BCKDHB: variants seen among roughly 807,000 people sequenced by gnomAD.
BCKDHB encodes 2-oxoisovalerate dehydrogenase subunit beta, mitochondrial.
BCKDHB carries 41 observed loss-of-function variants against 48.5 expected under a neutral mutation model. The observed-to-expected ratio is 0.85, with a 90% CI of 0.66 to 1.10. The LOEUF (loss-of-function observed/expected upper bound fraction) is 1.10, where lower values mean the gene tolerates loss of function less well. Among genes scored for constraint, BCKDHB ranks in the 50% least tolerant of loss-of-function variants. The pLI is 0.00. For synonymous variants in BCKDHB, 201 were observed against 174.8 expected, an observed-to-expected ratio of 1.15 and a Z score of -1.18; for missense variants, 496 against 494.2, an observed-to-expected ratio of 1.00 and a Z score of -0.03.
chr6:80,158,897 C>T (rs1190949129), intron 3 of BCKDHB, among the ~76,000 whole-genome samples: 1 of 152,208 alleles, frequency 6.6e-6, no homozygotes, highest in Non-Finnish European at 1.5e-5. Context: ...TCACCCTAGG[C>T]AGTAAACTGT....
intron 9 of BCKDHB, among the ~76,000 whole-genome samples, chr6:80,276,320 C>T (rs116900058): frequency 0.016 from 2,366 of 151,826 alleles, 26 homozygotes; most frequent in Non-Finnish European, 0.023. Context: ...AATCTGAAAA[C>T]ACCTGAAAAT....
At chr6:80,411,598 G>T in the BCKDHB span, among the ~76,000 whole-genome samples, 1 of 152,248 alleles carries the variant, frequency 6.6e-6, no homozygotes, top group Non-Finnish European at 1.5e-5. Context: ...AGTAGGCCTT[G>T]CTGAGATGTG....
intron 9 of BCKDHB, among the ~76,000 whole-genome samples, chr6:80,288,059 G>A (rs952289074): frequency 6.6e-6 from 1 of 152,072 alleles, no homozygotes; most frequent in East Asian, 1.9e-4. Flanking sequence ...TCAGTAGTTC[G>A]ATAATATCAA....
intron 8 of BCKDHB, among the ~76,000 whole-genome samples, chr6:80,221,824 A>T (rs1023529240): frequency 1.3e-5 from 2 of 152,248 alleles, no homozygotes; most frequent in Non-Finnish European, 2.9e-5. Context: ...GTTTTTGAGT[A>T]AAAGAATTTG....
intron 3 of BCKDHB, among the ~76,000 whole-genome samples, chr6:80,147,961 A>G (rs146660002): frequency 2.6e-4 from 39 of 152,280 alleles, no homozygotes; most frequent in African/African-American, 8.4e-4. Flanking sequence ...GGGGTTACAC[A>G]TTGAATGAAA....
chr6:80,127,620 T>G lies in BCKDHB; in HGVS notation c.270T>G (p.Thr90=), dbSNP rs778733771. ...ATAACTCATTGGCCAAAGATCCTAC[T>G]GCAGGTAACCCTGATATGTGCCTGA... The part of the protein sequence containing the change: ...ALDNSLAKDP[T]AVIFGEDVAF... The change falls in exon 2 of 10, where the codon ACT becomes ACG. Residue 90 remains threonine (T), a synonymous_variant. Transcript: ENST00000320393. 6.2e-7 allele frequency: 1 copy of G among 1,612,086 alleles called. No homozygotes were observed. Among genetic ancestry groups the G allele is most frequent in the Non-Finnish European group, 8.5e-7 (1 of 1,178,278 alleles).
chr6:80,125,001 A>T (rs779428260), intron 1 of BCKDHB, among the ~76,000 whole-genome samples: 1 of 152,190 alleles, frequency 6.6e-6, no homozygotes, highest in East Asian at 1.9e-4. Context: ...GAAGCCAGGC[A>T]TTGACTTCTC....
At chr6:80,108,877 C>CA (rs1443306736) in intron 1 of BCKDHB, among the ~76,000 whole-genome samples, 2 of 152,110 alleles carry the variant, frequency 1.3e-5, no homozygotes, top group East Asian at 1.9e-4. Flanking sequence ...CCCAAAAAAC[C>CA]AAAAAACAAA....
At chr6:80,349,293 A>T (rs59904615), downstream of BCKDHB, among the ~76,000 whole-genome samples, 31,299 of 152,108 alleles carry the variant, frequency 0.21, 3,724 homozygotes, top group South Asian at 0.37. Flanking sequence ...CTTCCACATC[A>T]TTGCACAAAT....
the BCKDHB span, among the ~76,000 whole-genome samples, chr6:80,352,387 G>C: frequency 6.6e-6 from 1 of 152,132 alleles, no homozygotes; most frequent in Non-Finnish European, 1.5e-5. Flanking sequence ...ATGCAATATG[G>C]AGTCAATCTT....
Position 80,345,809 on chromosome 6 carries a change from G to GT in BCKDHB, c.*2009dup, listed in dbSNP as rs1370144484. ...ATTTTTAAAGTAATATTCAGATGTG[G>GT]TTTTAAATTTAGATTATGTATTCCT... On this transcript the variant is annotated 3_prime_UTR_variant, in exon 10 of 10. Transcript: ENST00000320393. 1 of 150,026 alleles carries GT rather than the reference G, an allele frequency of 6.7e-6. No individual in the cohort carries two copies. The highest frequency in any genetic ancestry group is 2.1e-4 in the East Asian group (1 of 4,782). The allele number at this position is 150,026 out of a possible 1,614,324, so 9.3% of individuals were successfully genotyped here. A position where few individuals can be genotyped will look rare whatever the true frequency, so the allele number is the denominator to read the frequency against.
intron 6 of BCKDHB, among the ~76,000 whole-genome samples, chr6:80,185,949 TA>T (rs934383224): frequency 7.9e-5 from 12 of 152,192 alleles, no homozygotes; most frequent in African/African-American, 2.9e-4. Flanking sequence ...AACCTCTGGT[TA>T]GTCAGGATGT....
chr6:80,459,983 G>A, the BCKDHB span, among the ~76,000 whole-genome samples: 1,118 of 152,198 alleles, frequency 7.3e-3, 15 homozygotes, highest in Non-Finnish European at 0.01. Context: ...AAGGTTGGCA[G>A]AAGATACTTT....
At chr6:80,110,897 G>A (rs2127705935) in intron 1 of BCKDHB, among the ~76,000 whole-genome samples, 1 of 152,244 alleles carries the variant, frequency 6.6e-6, no homozygotes, top group African/African-American at 2.4e-5. Flanking sequence ...AGCCTTCCTT[G>A]GTTTTCCAGT....
chr6:80,163,770 T>C (rs1237377412), intron 3 of BCKDHB, among the ~76,000 whole-genome samples: 1 of 152,206 alleles, frequency 6.6e-6, no homozygotes, highest in African/African-American at 2.4e-5. Flanking sequence ...CCCAACATGC[T>C]TCTTCACAGT....
At chr6:80,266,696 C>T (rs565924999) in intron 8 of BCKDHB, among the ~76,000 whole-genome samples, 2 of 152,108 alleles carry the variant, frequency 1.3e-5, no homozygotes, top group Non-Finnish European at 2.9e-5. Flanking sequence ...TCCTCTATTA[C>T]AATTAGAACG....
chr6:80,198,842 T>G (rs761038552), intron 6 of BCKDHB, among the ~76,000 whole-genome samples: 8 of 152,186 alleles, frequency 5.3e-5, no homozygotes, highest in Non-Finnish European at 8.8e-5. Context: ...GGAAGAAATT[T>G]ATTGAAGGAT....
Position 80,106,837 on chromosome 6 carries a change from G to T in BCKDHB, c.144G>T (p.Arg48Ser). Residue 48 changes from arginine (R) to serine (S), a missense_variant, in exon 1 of 10, where the codon AGG (arginine) becomes AGT (serine). Arg to Ser is a moderately radical substitution (Grantham distance 110). Transcript: ENST00000320393. Reference sequence around the variant, plus strand: ...CGACTGTCGAGGATGCGGCCCAGAGGCGGCAGGTGGCTCATTTTACTTTCC... The same window carrying T: ...CGACTGTCGAGGATGCGGCCCAGAGTCGGCAGGTGGCTCATTTTACTTTCC... ...PAATVEDAAQ[R>S]RQVAHFTFQP... 1 of 1,610,350 alleles carries T rather than the reference G, an allele frequency of 6.2e-7. No individual in the cohort carries two copies. Among genetic ancestry groups the T allele is most frequent in the African/African-American group, 1.3e-5 (1 of 74,992 alleles).
the BCKDHB span, among the ~76,000 whole-genome samples, chr6:80,409,967 G>A: frequency 1.3e-5 from 2 of 151,974 alleles, no homozygotes; most frequent in African/African-American, 4.8e-5. Context: ...ATGATGTTAT[G>A]TGTGAATTTG....
Sources: allele counts gnomAD v4.1 joint callset (sites outside exome capture counted in the v4.1 genomes callset), GRCh38; gene constraint gnomAD v4.1.1; transcripts MANE v1.5; gene names NCBI Gene and HGNC (gene_info 2026-07-23, HGNC 2026-07-21).